Variants in TRMT10B observed in about 807,000 individuals in gnomAD.
TRMT10B encodes tRNA methyltransferase 10B.
TRMT10B carries 33 observed loss-of-function variants against 43.8 expected under a neutral mutation model. The observed-to-expected ratio is 0.75, with a 90% CI of 0.57 to 1.01. The LOEUF is 1.01. Ranked by LOEUF, TRMT10B falls within the 50% of genes least tolerant of loss-of-function variation. TRMT10B has a pLI of 0.00. For synonymous variants in TRMT10B, 137 were observed against 130.6 expected (o/e 1.05, Z -0.34); for missense variants, 362 against 369.8 (o/e 0.98, Z 0.17).
chr9:37,765,672 A>G (rs1282028662), intron 4 of TRMT10B, among the ~76,000 whole-genome samples: 1 of 152,212 alleles, frequency 6.6e-6, no homozygotes, highest in African/African-American at 2.4e-5. Context: ...ACCGACTTCC[A>G]CAATGGTTGA....
intron 1 of TRMT10B, among the ~76,000 whole-genome samples, chr9:37,759,403 T>A (rs1826078665): frequency 6.6e-6 from 1 of 152,228 alleles, no homozygotes; most frequent in African/African-American, 2.4e-5. Context: ...TCTATTTATA[T>A]GAAGTTGTAT....
At chr9:37,752,950 T>C (rs7873440), upstream of TRMT10B, among the ~76,000 whole-genome samples, 82,066 of 151,870 alleles carry the variant, frequency 0.54, 22,142 homozygotes, top group South Asian at 0.58. Context: ...TTGTTCTTTG[T>C]AATAAATCTT....
intron 7 of TRMT10B, among the ~76,000 whole-genome samples, chr9:37,773,629 A>G (rs1827817401): frequency 6.6e-6 from 1 of 152,202 alleles, no homozygotes; most frequent in Non-Finnish European, 1.5e-5. Context: ...AGGTCAAGAG[A>G]TCGATACCAT....
At chr9:37,765,771 T>C (rs2025493779) in intron 4 of TRMT10B, among the ~76,000 whole-genome samples, 1 of 152,218 alleles carries the variant, frequency 6.6e-6, no homozygotes, top group Non-Finnish European at 1.5e-5. Context: ...TTTTTAATGA[T>C]TGCCATTCTA....
In TRMT10B at chr9:37,762,925, A is replaced by C. The variant is rs562971974; in HGVS notation, c.295+240A>C. Among the ~76,000 whole-genome samples the C allele has an allele frequency of 4.0e-5, 6 of 148,712 alleles. No individual in the cohort carries two copies. The Admixed American group carries it at 4.1e-4, about 10-fold the overall frequency. ...AGGTGGGTGGATTTGCGAGGTCAGG[A>C]GATCGAGACCGTCCTGGATAACACG... On this transcript the variant is annotated intron_variant, in intron 3 of 8. Coordinates refer to ENST00000297994, the MANE Select transcript of TRMT10B (RefSeq NM_144964.4).
chr9:37,753,692 G>A (rs573560514), upstream of TRMT10B: 554 of 152,446 alleles, frequency 3.6e-3, 3 homozygotes, highest in Non-Finnish European at 6.8e-3. Flanking sequence ...GGGAGTAGAA[G>A]CCGCAGCCTC....
In TRMT10B at chr9:37,777,818, C is replaced by A; in HGVS notation, c.*111C>A. On this transcript the variant is annotated 3_prime_UTR_variant, in exon 9 of 9. Coordinates refer to ENST00000297994, the MANE Select transcript of TRMT10B (RefSeq NM_144964.4). ...GTCAGGAGTTCACGACCAGCCTGGCCAACATGGTGAAACCCTTCTCTACTG... is the reference window on the plus strand; with the variant it reads ...GTCAGGAGTTCACGACCAGCCTGGCAAACATGGTGAAACCCTTCTCTACTG... The A allele has an allele frequency of 1.3e-6, 1 of 799,720 alleles. No homozygotes were observed. Among genetic ancestry groups the A allele is most frequent in the Non-Finnish European group, 2.1e-6 (1 of 485,804 alleles). 49.5% of individuals were successfully genotyped at this position (799,720 alleles called of 1,614,324 possible).
At chr9:37,753,622 A>G (rs113849794), upstream of TRMT10B, among the ~76,000 whole-genome samples, 217 of 150,462 alleles carry the variant, frequency 1.4e-3, 1 homozygote, top group Middle Eastern at 3.4e-3. Context: ...ACGGGGAGAC[A>G]GGGGTTCAGA....
At chr9:37,773,135 G>A (rs1274412967) in intron 7 of TRMT10B, among the ~76,000 whole-genome samples, 2 of 152,166 alleles carry the variant, frequency 1.3e-5, no homozygotes, top group Non-Finnish European at 2.9e-5. Flanking sequence ...TTGAGACAAG[G>A]TCTTGTTCTG....
rs1234609857 is a variant in TRMT10B at position 37,776,287 on chromosome 9, G to A, written c.726G>A (p.Val242=). The A allele has an allele frequency of 1.3e-6, 2 of 1,540,896 alleles. No individual in the cohort carries two copies. Among genetic ancestry groups the A allele is most frequent in the South Asian group, 2.5e-5 (2 of 78,454 alleles). ...GLVDESIQKK[V]TFQKAREYSV... The stretch of plus-strand genomic sequence containing the variant: ...ATTTAACTATATATTTACAGAAGGT[G>A]ACATTTCAAAAGGCCCGGGAATACT... Residue 242 remains valine, a synonymous_variant, in exon 8 of 9, where the codon GTG becomes GTA. Transcript: ENST00000297994.
At chr9:37,769,826 C>G (rs1827369356) in intron 5 of TRMT10B, 115 bp from the exon 6 acceptor site, 4 of 829,536 alleles carry the variant, frequency 4.8e-6, no homozygotes, top group Admixed American at 1.7e-5. Context: ...TGGTCTCGAA[C>G]TTTGGAGCTC....
intron 7 of TRMT10B, 121 bp downstream of exon 7, chr9:37,770,860 G>A: frequency 9.7e-7 from 1 of 1,031,978 alleles, no homozygotes; most frequent in Non-Finnish European, 1.4e-6. Flanking sequence ...GGAAGAAAGA[G>A]CCATCCCCAC....
At chr9:37,757,312 T>C (rs957573338) in intron 1 of TRMT10B, among the ~76,000 whole-genome samples, 8 of 152,118 alleles carry the variant, frequency 5.3e-5, no homozygotes, top group Admixed American at 2.0e-4. Context: ...CCAGGCTCAA[T>C]TGATCCTCCC....
At chr9:37,757,367 C>A (rs115395962) in intron 1 of TRMT10B, among the ~76,000 whole-genome samples, 1 of 152,296 alleles carries the variant, frequency 6.6e-6, no homozygotes, top group Admixed American at 6.5e-5. Context: ...TGAGCTTCTG[C>A]GCCCAGCCAG....
intron 5 of TRMT10B, 75 bp from the exon 6 acceptor site, chr9:37,769,866 G>A (rs2118867511): frequency 8.5e-7 from 1 of 1,177,516 alleles, no homozygotes; most frequent in East Asian, 2.3e-5. Flanking sequence ...GCCTCCCAAA[G>A]TTCTGGGATT....
At chr9:37,760,183 C>T (rs567512272) in intron 1 of TRMT10B, among the ~76,000 whole-genome samples, 3 of 152,236 alleles carry the variant, frequency 2.0e-5, no homozygotes, top group African/African-American at 7.2e-5. Flanking sequence ...ATTAGCTAGG[C>T]CTGGTGGCTG....
chr9:37,768,378 T>C, intron 5 of TRMT10B, 150 bp downstream of exon 5: 4 of 853,146 alleles, frequency 4.7e-6, no homozygotes, highest in Non-Finnish European at 7.0e-6. Flanking sequence ...AAATTTAAAA[T>C]TTTTTCTCAT....
chr9:37,769,307 T>TAA (rs1563998742), intron 5 of TRMT10B, among the ~76,000 whole-genome samples: 1 of 39,568 alleles, frequency 2.5e-5, no homozygotes, highest in Non-Finnish European at 5.6e-5. Flanking sequence ...GACCCTGTCT[T>TAA]TAAAAAAAAA....
chr9:37,773,754 AAC>A (rs1409270478), intron 7 of TRMT10B, among the ~76,000 whole-genome samples: 1 of 152,086 alleles, frequency 6.6e-6, no homozygotes, highest in African/African-American at 2.4e-5. Context: ...GAATCTCTTG[AAC>A]CAGGGAGGCG....
Sources: gnomAD v4.1 joint callset for allele counts (sites outside exome capture counted in the v4.1 genomes callset) on GRCh38, gnomAD v4.1.1 for gene constraint, MANE v1.5 for transcripts, NCBI Gene and HGNC (gene_info 2026-07-23, HGNC 2026-07-21) for gene names.